RABGAP1L: variants seen among roughly 807,000 people sequenced by gnomAD.
RABGAP1L encodes the protein RAB GTPase activating protein 1 like.
RABGAP1L carries 63 observed loss-of-function variants against 137.7 expected under a neutral mutation model. The ratio of observed to expected loss-of-function variants is 0.46; its 90% CI spans 0.37 to 0.56. The LOEUF is 0.56. Ranked by LOEUF, RABGAP1L falls within the 20% of genes least tolerant of loss-of-function variation. The probability of loss-of-function intolerance (pLI) is 0.00; values close to 1 mark genes in which losing one functional copy is unlikely to be tolerated. For missense variants in RABGAP1L, 1,095 were observed against 1,244.0 expected, an observed-to-expected ratio of 0.88 and a Z score of 1.80; for synonymous variants, 431 against 433.7, an observed-to-expected ratio of 0.99 and a Z score of 0.08.
At chr1:174,635,808 C>G (rs774576480) in intron 13 of RABGAP1L, among the ~76,000 whole-genome samples, 6 of 152,144 alleles carry the variant, frequency 3.9e-5, no homozygotes, top group Non-Finnish European at 5.9e-5. Context: ...GAAATAGCAA[C>G]TGAAATGAAG....
intron 15 of RABGAP1L, among the ~76,000 whole-genome samples, chr1:174,698,706 T>A (rs1679433280): frequency 6.7e-6 from 1 of 150,310 alleles, no homozygotes; most frequent in Non-Finnish European, 1.5e-5. Flanking sequence ...CTTTATATAC[T>A]GAGATAGAAA....
intron 1 of RABGAP1L, among the ~76,000 whole-genome samples, chr1:174,195,684 C>CTT (rs1571483024): frequency 1.2e-5 from 1 of 84,558 alleles, no homozygotes; most frequent in East Asian, 4.1e-4. Context: ...TTCTTTCCTT[C>CTT]TTTCCTTCTT....
chr1:174,645,205 A>G (rs1246487532), intron 14 of RABGAP1L, among the ~76,000 whole-genome samples: 1 of 152,058 alleles, frequency 6.6e-6, no homozygotes, highest in Non-Finnish European at 1.5e-5. Flanking sequence ...ATTTATTTTT[A>G]AAATATTTTA....
chr1:174,473,105 A>T (rs2149312118), intron 13 of RABGAP1L, among the ~76,000 whole-genome samples: 1 of 152,366 alleles, frequency 6.6e-6, no homozygotes, highest in Admixed American at 6.5e-5. Context: ...AGAGAAAAAC[A>T]ACTCTGAATA....
chr1:174,547,643 T>G (rs1666127692), intron 13 of RABGAP1L, among the ~76,000 whole-genome samples: 2 of 152,070 alleles, frequency 1.3e-5, no homozygotes, highest in Non-Finnish European at 2.9e-5. Context: ...GAAATATATC[T>G]TATACCATAG....
chr1:174,612,342 A>T (rs1007593487), intron 13 of RABGAP1L, among the ~76,000 whole-genome samples: 9 of 152,164 alleles, frequency 5.9e-5, no homozygotes, highest in African/African-American at 2.2e-4. Flanking sequence ...GGTTCTGTTT[A>T]TATGCTGGAT....
intron 13 of RABGAP1L, among the ~76,000 whole-genome samples, chr1:174,468,071 A>G (rs891535690): frequency 2.0e-5 from 3 of 152,160 alleles, no homozygotes; most frequent in African/African-American, 7.2e-5. Flanking sequence ...GGATTATATT[A>G]TAAAGAATTA....
intron 17 of RABGAP1L, among the ~76,000 whole-genome samples, chr1:174,729,220 A>G (rs1156623548): frequency 1.3e-5 from 2 of 152,202 alleles, no homozygotes; most frequent in Non-Finnish European, 2.9e-5. Flanking sequence ...AAATTCAGCA[A>G]TGGAGAAAGG....
At chr1:174,883,522 A>G (rs909302712) in intron 19 of RABGAP1L, among the ~76,000 whole-genome samples, 3 of 152,160 alleles carry the variant, frequency 2.0e-5, no homozygotes, top group Non-Finnish European at 4.4e-5. Context: ...GTCCTACAGG[A>G]AACTTGAAGC....
At chr1:174,637,964 T>A (rs2148344139) in intron 14 of RABGAP1L, among the ~76,000 whole-genome samples, 1 of 152,328 alleles carries the variant, frequency 6.6e-6, no homozygotes, top group East Asian at 1.9e-4. Context: ...CATTTTGAAA[T>A]CTTTTTTCTC....
At chr1:174,812,540 A>G (rs1455091842) in intron 19 of RABGAP1L, among the ~76,000 whole-genome samples, 1 of 152,232 alleles carries the variant, frequency 6.6e-6, no homozygotes, top group Non-Finnish European at 1.5e-5. Context: ...CAATTTACTG[A>G]TGTTAATTCT....
intron 19 of RABGAP1L, chr1:174,850,070 GT>G (rs1648002253): frequency 3.7e-6 from 2 of 538,510 alleles, no homozygotes; most frequent in Non-Finnish European, 3.7e-6. Flanking sequence ...TGGTAGAGGG[GT>G]GTCTGGGATT....
At chr1:174,748,022 A>G (rs12385691) in intron 17 of RABGAP1L, among the ~76,000 whole-genome samples, 11 of 152,268 alleles carry the variant, frequency 7.2e-5, no homozygotes, top group African/African-American at 2.4e-4. Context: ...CTTCAAAATC[A>G]TATCACCAAA....
chr1:174,761,096 C>G lies in RABGAP1L; in HGVS notation c.2211+8742C>G, dbSNP rs1386861362. Among the ~76,000 whole-genome samples, 1 of 152,160 alleles carries G rather than the reference C, an allele frequency of 6.6e-6. No homozygotes were observed. Among genetic ancestry groups the G allele is most frequent in the East Asian group, 1.9e-4 (1 of 5,196 alleles). ...AAAAGAAAGAGGTTTAATGGACTTA[C>G]AGTTCCACGTGGCTGGGCCAGGCCT... On this transcript the variant is annotated intron_variant, in intron 18 of 25. Coordinates refer to ENST00000681986, the MANE Select transcript of RABGAP1L (RefSeq NM_001366446.1). This position sits in a 1 kb window ranked among gnomAD's most constrained non-coding sequence, Gnocchi z 4.0.
rs576470978 is a variant in RABGAP1L at position 174,211,165 on chromosome 1, A to G, written c.-33-7960A>G. Among the ~76,000 whole-genome samples, 7 of 152,274 alleles carry G rather than the reference A, an allele frequency of 4.6e-5. No individual in the cohort carries two copies. The East Asian group carries it at 1.4e-3, about 29-fold the overall frequency. On this transcript the variant is annotated intron_variant, in intron 1 of 25. Coordinates refer to ENST00000681986, the MANE Select transcript of RABGAP1L (RefSeq NM_001366446.1). Reference sequence around the variant, plus strand: ...TCTGAAGGTACAAAACTCACTGGTAATAGTAAATTCACAGAAAAAGACAGA... The same window carrying G: ...TCTGAAGGTACAAAACTCACTGGTAGTAGTAAATTCACAGAAAAAGACAGA...
chr1:174,386,922 G>T (rs1476719074), intron 12 of RABGAP1L, among the ~76,000 whole-genome samples: 1 of 152,148 alleles, frequency 6.6e-6, no homozygotes, highest in Non-Finnish European at 1.5e-5. Flanking sequence ...TTTAAAGAGA[G>T]ATTATGAGAA....
chr1:174,695,170 C>T (rs972030477), intron 15 of RABGAP1L, among the ~76,000 whole-genome samples: 1 of 152,082 alleles, frequency 6.6e-6, no homozygotes, highest in Non-Finnish European at 1.5e-5. Context: ...TTTTCAACTC[C>T]AGTCCATTTA....
At chr1:174,262,590 G>A (rs1428788238) in intron 7 of RABGAP1L, among the ~76,000 whole-genome samples, 1 of 152,168 alleles carries the variant, frequency 6.6e-6, no homozygotes, top group Non-Finnish European at 1.5e-5. Context: ...TAGGAAACTG[G>A]CATTGGTACA....
intron 18 of RABGAP1L, among the ~76,000 whole-genome samples, chr1:174,772,384 C>G (rs1045726699): frequency 3.3e-5 from 5 of 151,774 alleles, no homozygotes. Context: ...TCGAGATCAC[C>G]CTGGCCAACA....
Sources: allele counts gnomAD v4.1 joint callset (sites outside exome capture counted in the v4.1 genomes callset), GRCh38; gene constraint gnomAD v4.1.1; non-coding constraint Gnocchi (gnomAD v3.1); transcripts MANE v1.5; gene names NCBI Gene and HGNC (gene_info 2026-07-23, HGNC 2026-07-21).